Variants in SRCIN1 observed in about 807,000 individuals in gnomAD.
The protein encoded by SRCIN1 is P130Cas-associated protein.
In SRCIN1, 50 loss-of-function variants were observed where a neutral mutation model predicts 116.2. The observed-to-expected ratio is 0.43, with a 90% CI of 0.34 to 0.54. The LOEUF (loss-of-function observed/expected upper bound fraction) is 0.54. SRCIN1 is among the 20% of genes least tolerant of loss of function. The probability of loss-of-function intolerance (pLI) is 0.02; values close to 1 mark genes in which losing one functional copy is unlikely to be tolerated. For synonymous variants in SRCIN1, 736 were observed against 750.0 expected (o/e 0.98, Z 0.30); for missense variants, 1,446 against 1,672.0 (o/e 0.86, Z 2.36).
intron 17 of SRCIN1, chr17:38,547,720 C>CAG (rs759596103): frequency 9.5e-6 from 3 of 314,698 alleles, no homozygotes; most frequent in Middle Eastern, 4.2e-4. Flanking sequence ...GGGGCACAGG[C>CAG]AGAGAGAGAG....
chr17:38,533,443 A>ACAGGGGT lies in SRCIN1; in HGVS notation c.3418-19_3418-13dup, dbSNP rs773753237. ...GATGGTTTAGTGGCCTGGAACAAAA[A>ACAGGGGT]CAGGGGTCAGGGGTCAGAGAGCGGA... On this transcript the variant is annotated splice_polypyrimidine_tract_variant and intron_variant, in intron 18 of 18. Coordinates refer to ENST00000617146, the MANE Select transcript of SRCIN1 (RefSeq NM_025248.3). 4.3e-5 allele frequency: 69 copies of ACAGGGGT among 1,612,396 alleles called. 1 individual carries two copies. In the South Asian group the frequency reaches 5.1e-4, roughly 12 times the overall value.
At chr17:38,583,450 T>C (rs1357140212) in intron 1 of SRCIN1, among the ~76,000 whole-genome samples, 1 of 152,054 alleles carries the variant, frequency 6.6e-6, no homozygotes, top group Non-Finnish European at 1.5e-5. Flanking sequence ...ATTTGTAAAA[T>C]GGGGATGTTA....
chr17:38,554,359 C>T (rs927536467), intron 11 of SRCIN1, among the ~76,000 whole-genome samples: 3 of 152,204 alleles, frequency 2.0e-5, no homozygotes, highest in African/African-American at 7.2e-5. Context: ...CATCTGGCTT[C>T]TGCTTAGAGC....
At chr17:38,584,352 G>C (rs1334156793) in intron 1 of SRCIN1, among the ~76,000 whole-genome samples, 1 of 152,206 alleles carries the variant, frequency 6.6e-6, no homozygotes, top group Non-Finnish European at 1.5e-5. Context: ...TATATTTTTT[G>C]AGTCCGAGAT....
intron 18 of SRCIN1, among the ~76,000 whole-genome samples, chr17:38,539,600 G>A (rs1005428741): frequency 6.6e-6 from 1 of 152,236 alleles, no homozygotes; most frequent in South Asian, 2.1e-4. Flanking sequence ...TGCTGCTCCC[G>A]CCCTCCGGGA....
Position 38,551,188 on chromosome 17 carries a change from G to C in SRCIN1, c.2929C>G (p.Pro977Ala), listed in dbSNP as rs762588602. ...PKAPHGQKAAPRTEPSGRRGS... is the reference protein window; with the variant it reads ...PKAPHGQKAAARTEPSGRRGS... ...CTCCTCCCACTGGGCTCCGTTCGGG[G>C]GGCTGCCTTCTGGCCGTGGGGGGCC... The change falls in exon 15 of 19, where the codon CCC becomes GCC. Residue 977 changes from proline (P) to alanine (A), a missense_variant. By Grantham distance (27) the Pro-to-Ala change is conservative. Around this residue, in one of 5 missense-constraint regions of SRCIN1, gnomAD observed 531 missense variants for 633.9 expected, o/e 0.84. Coordinates refer to ENST00000617146, the MANE Select transcript of SRCIN1 (RefSeq NM_025248.3). 6.3e-7 allele frequency: 1 copy of C among 1,587,564 alleles called. No homozygotes were observed. The highest frequency in any genetic ancestry group is 8.6e-7 in the Non-Finnish European group (1 of 1,163,352).
chr17:38,540,704 TGCCAGGG>T (rs1283978992), intron 18 of SRCIN1, among the ~76,000 whole-genome samples: 2 of 152,048 alleles, frequency 1.3e-5, no homozygotes, highest in Non-Finnish European at 2.9e-5. Flanking sequence ...GTTGATCATC[TGCCAGGG>T]GCCGGGGCAG....
chr17:38,534,226 G>A (rs1381383611), intron 18 of SRCIN1, among the ~76,000 whole-genome samples: 2 of 152,094 alleles, frequency 1.3e-5, no homozygotes, highest in South Asian at 2.1e-4. Flanking sequence ...CTGCAGCTGC[G>A]GTCTCCAAAG....
chr17:38,567,148 A>G (rs902641169), intron 3 of SRCIN1, among the ~76,000 whole-genome samples: 2 of 152,100 alleles, frequency 1.3e-5, no homozygotes, highest in Non-Finnish European at 2.9e-5. Context: ...CAAGCATTCC[A>G]TATGCCTCGG....
chr17:38,603,651 A>G (rs1168677102), intron 1 of SRCIN1, among the ~76,000 whole-genome samples: 1 of 152,090 alleles, frequency 6.6e-6, no homozygotes, highest in African/African-American at 2.4e-5. Flanking sequence ...TCTTGTCCCC[A>G]AGGCAGGGTG....
chr17:38,559,265 T>G, intron 10 of SRCIN1: 1 of 480,902 alleles, frequency 2.1e-6, no homozygotes, highest in Non-Finnish European at 3.7e-6. Flanking sequence ...CGAGGGATAC[T>G]GACGACGGAG....
In SRCIN1 at chr17:38,578,673, C is replaced by T; in HGVS notation, c.141G>A (p.Val47=). The T allele has an allele frequency of 2.6e-6, 4 of 1,561,072 alleles. No homozygotes were observed. Among genetic ancestry groups the T allele is most frequent in the Non-Finnish European group, 3.5e-6 (4 of 1,154,550 alleles). The change falls in exon 2 of 19, where the codon GTG becomes GTA. Residue 47 remains valine, a synonymous_variant. Coordinates refer to ENST00000617146, the MANE Select transcript of SRCIN1 (RefSeq NM_025248.3). ...GCCGCTCGGACGTGTGCACCAGCCC[C>T]ACGTTGGAGAAGCGCCGGCCCCCGC... is the stretch of plus-strand genomic sequence containing the variant. ...GGSGGRRFSN[V]GLVHTSERRH... is the part of the protein sequence containing the mutation.
chr17:38,548,292 T>G lies in SRCIN1; in HGVS notation c.3270+265A>C, dbSNP rs571134368. On this transcript the variant is annotated intron_variant, in intron 17 of 18. Transcript: ENST00000617146. ...ATCTTCGGATACGGGACTTTCAGAG[T>G]GCAGGAGGTCTGGGGATACTTGGGG... 5.3e-5 allele frequency among the ~76,000 whole-genome samples: 8 copies of G among 152,040 alleles called. No individual in the cohort carries two copies. In the East Asian group the frequency reaches 1.5e-3, roughly 29 times the overall value.
intron 1 of SRCIN1, among the ~76,000 whole-genome samples, chr17:38,588,718 G>C (rs1015945727): frequency 3.9e-5 from 6 of 152,182 alleles, no homozygotes; most frequent in Non-Finnish European, 8.8e-5. Context: ...TTGTTTCCAG[G>C]GGAAGAGACT....
intron 1 of SRCIN1, among the ~76,000 whole-genome samples, chr17:38,580,854 G>C (rs1232578294): frequency 1.3e-5 from 2 of 152,054 alleles, no homozygotes; most frequent in African/African-American, 4.8e-5. Flanking sequence ...TTTTTCTGGG[G>C]GGACAGGGTC....
chr17:38,603,168 G>A (rs1408640121), intron 1 of SRCIN1, among the ~76,000 whole-genome samples: 2 of 152,138 alleles, frequency 1.3e-5, no homozygotes, highest in Non-Finnish European at 2.9e-5. Context: ...CCTGGCGAGA[G>A]AGAGGGAAGA....
chr17:38,534,081 G>A (rs1194415350), intron 18 of SRCIN1, among the ~76,000 whole-genome samples: 1 of 152,200 alleles, frequency 6.6e-6, no homozygotes, highest in Non-Finnish European at 1.5e-5. Context: ...TGTCGCCCCA[G>A]TTGGTAACAG....
chr17:38,559,603 C>T lies in SRCIN1; in HGVS notation c.2007G>A (p.Gln669=), dbSNP rs375746713. ...GCGGTACCTGGAGCTTGCGCAACTGCTGGAGCTGGCCGCGCAAGTCACTGG... is the reference window on the plus strand; with the variant it reads ...GCGGTACCTGGAGCTTGCGCAACTGTTGGAGCTGGCCGCGCAAGTCACTGG... The part of the protein sequence containing the change: ...NSASDLRGQL[Q]QLRKLQLQNQ... Residue 669 remains glutamine (Q), a synonymous_variant, in exon 10 of 19, where the codon CAG becomes CAA. Transcript: ENST00000617146. 7.5e-5 allele frequency: 120 copies of T among 1,601,520 alleles called. No individual in the cohort carries two copies. In the Middle Eastern group the frequency reaches 1.7e-3, roughly 23 times the overall value.
At chr17:38,560,513 A>G in intron 7 of SRCIN1, 88 bp from the exon 8 acceptor site, 1 of 1,143,740 alleles carries the variant, frequency 8.7e-7, no homozygotes, top group South Asian at 1.3e-5. Context: ...GGTAACCAGA[A>G]GAAACACCGT....
Sources: gnomAD v4.1 joint callset for allele counts (sites outside exome capture counted in the v4.1 genomes callset) on GRCh38, gnomAD v4.1.1 for gene constraint, gnomAD v4.1.1 regional missense constraint, MANE v1.5 for transcripts, NCBI Gene and HGNC (gene_info 2026-07-23, HGNC 2026-07-21) for gene names.